MARCHF3: variants seen among roughly 807,000 people sequenced by gnomAD.
MARCHF3 encodes membrane associated ring-CH-type finger 3.
In MARCHF3, 13 loss-of-function variants were observed where a neutral mutation model predicts 24.2. That is an observed-to-expected ratio of 0.54 (90% CI 0.35 to 0.85). The LOEUF (loss-of-function observed/expected upper bound fraction) is 0.85. MARCHF3 is among the 40% of genes least tolerant of loss of function. The probability of loss-of-function intolerance (pLI) is 0.01; values close to 1 mark genes in which losing one functional copy is unlikely to be tolerated. For synonymous variants in MARCHF3, 144 were observed against 137.3 expected, an observed-to-expected ratio of 1.05 and a Z score of -0.34; for missense variants, 276 against 325.0, an observed-to-expected ratio of 0.85 and a Z score of 1.16.
chr5:126,898,789 T>C (rs1295087410), intron 3 of MARCHF3: 1 of 918,114 alleles, frequency 1.1e-6, no homozygotes, highest in Admixed American at 6.2e-5. Context: ...CTAAAAGACT[T>C]TGAACCTCAC....
intron 3 of MARCHF3, among the ~76,000 whole-genome samples, chr5:126,883,816 T>C (rs1248533174): frequency 6.6e-6 from 1 of 152,182 alleles, no homozygotes; most frequent in Non-Finnish European, 1.5e-5. Flanking sequence ...GGTCAGTTTG[T>C]ACTAAAACCA....
At chr5:127,023,619 C>T (rs1002541412) in intron 1 of MARCHF3, among the ~76,000 whole-genome samples, 3 of 151,756 alleles carry the variant, frequency 2.0e-5, no homozygotes, top group African/African-American at 7.3e-5. Context: ...GTAATCCCAG[C>T]TACTCGGAAG....
At chr5:127,004,547 T>A (rs1190446396) in intron 1 of MARCHF3, among the ~76,000 whole-genome samples, 5 of 152,168 alleles carry the variant, frequency 3.3e-5, no homozygotes, top group Non-Finnish European at 4.4e-5. Flanking sequence ...GGGAAGGAGA[T>A]CATGAAGCTT....
intron 1 of MARCHF3, among the ~76,000 whole-genome samples, chr5:126,961,898 T>TAAAC (rs1295528389): frequency 9.9e-5 from 15 of 152,174 alleles, no homozygotes; most frequent in African/African-American, 3.6e-4. Flanking sequence ...CTACTAAATA[T>TAAAC]AAACACAAAG....
intron 1 of MARCHF3, among the ~76,000 whole-genome samples, chr5:127,021,410 T>C (rs1028070015): frequency 1.3e-5 from 2 of 152,214 alleles, no homozygotes; most frequent in African/African-American, 4.8e-5. Context: ...ATTATAAATT[T>C]TGCATGTAAC....
At chr5:126,929,082 C>T (rs1236425965) in intron 1 of MARCHF3, among the ~76,000 whole-genome samples, 2 of 152,208 alleles carry the variant, frequency 1.3e-5, no homozygotes, top group African/African-American at 4.8e-5. Context: ...GGATGTTATT[C>T]ATCGTATGTC....
In MARCHF3 at chr5:126,870,678, C is replaced by A; in HGVS notation, c.717G>T (p.Leu239=). 1 of 1,614,184 alleles carries A rather than the reference C, an allele frequency of 6.2e-7. No homozygotes were observed. Among genetic ancestry groups the A allele is most frequent in the Non-Finnish European group, 8.5e-7 (1 of 1,180,036 alleles). ...AGTTCCTCTTGACCGAATGGAGGCC[C>A]AGCAAGGACGGCTGGTTAGAAGGTA... The part of the protein sequence containing the change: ...VNVPSNQPSL[L]GLHSVKRNSK... Residue 239 remains leucine (L), a synonymous_variant, in exon 5 of 5, where the codon CTG becomes CTT. Transcript: ENST00000308660.
intron 1 of MARCHF3, among the ~76,000 whole-genome samples, chr5:126,991,579 G>GA (rs1207838982): frequency 1.3e-5 from 2 of 152,056 alleles, no homozygotes; most frequent in Non-Finnish European, 2.9e-5. Context: ...AATTAGCTGG[G>GA]CATGGTGGTA....
intron 3 of MARCHF3, chr5:126,898,730 A>C (rs1043046638): frequency 5.7e-5 from 23 of 402,554 alleles, no homozygotes; most frequent in African/African-American, 5.0e-4. Context: ...TGCTGCTCCT[A>C]CGTGCCAGCA....
chr5:126,989,443 G>C (rs1253083297), intron 1 of MARCHF3, among the ~76,000 whole-genome samples: 2 of 152,112 alleles, frequency 1.3e-5, no homozygotes, highest in African/African-American at 4.8e-5. Context: ...CACTTTGTTA[G>C]AAAGCAAAGG....
intron 3 of MARCHF3, among the ~76,000 whole-genome samples, chr5:126,906,825 T>G (rs999696747): frequency 6.6e-6 from 1 of 152,188 alleles, no homozygotes; most frequent in Non-Finnish European, 1.5e-5. Context: ...CCTTCAGTTC[T>G]GCTCTGATTT....
chr5:126,989,813 T>C (rs977734256), intron 1 of MARCHF3, among the ~76,000 whole-genome samples: 1 of 152,190 alleles, frequency 6.6e-6, no homozygotes, highest in Non-Finnish European at 1.5e-5. Context: ...TGCAGCAATA[T>C]CAAGCTGCTT....
intron 1 of MARCHF3, among the ~76,000 whole-genome samples, chr5:127,015,416 A>G (rs1389505569): frequency 6.6e-6 from 1 of 152,184 alleles, no homozygotes; most frequent in Non-Finnish European, 1.5e-5. Flanking sequence ...TTAAATGATT[A>G]TTTATTCAGT....
chr5:126,980,801 T>C (rs1323258409), intron 1 of MARCHF3, among the ~76,000 whole-genome samples: 1 of 152,250 alleles, frequency 6.6e-6, no homozygotes, highest in Non-Finnish European at 1.5e-5. Context: ...CAGTGTGGCA[T>C]ACTATAGGCA....
intron 3 of MARCHF3, among the ~76,000 whole-genome samples, chr5:126,878,642 A>C (rs1370228262): frequency 6.6e-6 from 1 of 152,212 alleles, no homozygotes; most frequent in Non-Finnish European, 1.5e-5. Context: ...ACTTTTTGTG[A>C]AAATAGTCGT....
In MARCHF3 at chr5:126,937,218, G is replaced by A. The variant is rs79464996; in HGVS notation, c.-56-18991C>T. On this transcript the variant is annotated intron_variant, in intron 1 of 4. Coordinates refer to ENST00000308660, the MANE Select transcript of MARCHF3 (RefSeq NM_178450.5). ...TGCCTGAACCCTTCAGTGGTCCTTTGCCCCACTTGGGGGCAGTCACAGATG... is the reference window on the plus strand; with the variant it reads ...TGCCTGAACCCTTCAGTGGTCCTTTACCCCACTTGGGGGCAGTCACAGATG... Among the ~76,000 whole-genome samples the A allele has an allele frequency of 2.9e-4, 44 of 152,320 alleles. No individual in the cohort carries two copies. In the East Asian group the frequency reaches 8.3e-3, roughly 29 times the overall value.
chr5:126,978,059 A>C (rs1751263302), intron 1 of MARCHF3, among the ~76,000 whole-genome samples: 1 of 152,236 alleles, frequency 6.6e-6, no homozygotes, highest in Non-Finnish European at 1.5e-5. Context: ...AGCCGAGGAA[A>C]GATGAGGGGC....
chr5:127,025,326 G>A lies in MARCHF3; in HGVS notation c.-57+5024C>T, dbSNP rs76576452. On this transcript the variant is annotated intron_variant, in intron 1 of 4. Coordinates refer to ENST00000308660, the MANE Select transcript of MARCHF3 (RefSeq NM_178450.5). ...AAGTTATTAAAAAAAAAAAAAAAAA[G>A]AAAGAAACTAACCAGGGGAAGGCCT... 9.6e-4 allele frequency among the ~76,000 whole-genome samples: 108 copies of A among 112,662 alleles called. 1 individual carries two copies. Among genetic ancestry groups the A allele is most frequent in the African/African-American group, 1.9e-3 (43 of 22,700 alleles). 73.9% of individuals were successfully genotyped at this position (112,662 alleles called of 152,430 possible).
At chr5:126,990,346 G>A (rs889113328) in intron 1 of MARCHF3, among the ~76,000 whole-genome samples, 10 of 152,132 alleles carry the variant, frequency 6.6e-5, no homozygotes, top group African/African-American at 1.9e-4. Context: ...CTAGCCATAT[G>A]TAGAAAGCTG....
Sources: gnomAD v4.1 joint callset for allele counts (sites outside exome capture counted in the v4.1 genomes callset) on GRCh38, gnomAD v4.1.1 for gene constraint, MANE v1.5 for transcripts, NCBI Gene and HGNC (gene_info 2026-07-23, HGNC 2026-07-21) for gene names.